Variants in SEC23A observed in about 807,000 individuals in gnomAD.
SEC23A encodes SEC23 homolog A, COPII component.
Under a neutral mutation model 103.7 loss-of-function variants are expected in SEC23A, and 56 were observed. The observed-to-expected ratio is 0.54, with a 90% confidence interval of 0.44 to 0.67. The LOEUF (loss-of-function observed/expected upper bound fraction) is 0.67, where lower values mean the gene tolerates loss of function less well. Among genes scored for constraint, SEC23A ranks in the 30% least tolerant of loss-of-function variants. SEC23A has a pLI of 0.00. For synonymous variants in SEC23A, 281 were observed against 293.0 expected, an observed-to-expected ratio of 0.96 and a Z score of 0.42; for missense variants, 784 against 936.4, an observed-to-expected ratio of 0.84 and a Z score of 2.12.
intron 9 of SEC23A, among the ~76,000 whole-genome samples, chr14:39,069,387 T>C (rs913327561): frequency 1.3e-5 from 2 of 152,186 alleles, no homozygotes; most frequent in Admixed American, 6.5e-5. Flanking sequence ...CTTTGTAACC[T>C]ACCCTCCTCA....
At chr14:39,088,230 T>C (rs184886393) in intron 5 of SEC23A, 1 of 152,014 alleles carries the variant, frequency 6.6e-6, no homozygotes, top group Non-Finnish European at 1.5e-5. Flanking sequence ...TTAATCTAAA[T>C]AGGGAAAGAA....
intron 11 of SEC23A, among the ~76,000 whole-genome samples, chr14:39,063,650 A>C (rs1886553541): frequency 6.6e-6 from 1 of 152,194 alleles, no homozygotes; most frequent in African/African-American, 2.4e-5. Flanking sequence ...AATTCTTGCT[A>C]AGTAAATTAC....
At chr14:39,062,435 T>C (rs147441754) in intron 12 of SEC23A, among the ~76,000 whole-genome samples, 1 of 152,226 alleles carries the variant, frequency 6.6e-6, no homozygotes, top group East Asian at 1.9e-4. Context: ...GATGTTCAAC[T>C]TGTAACTAGA....
At chr14:39,093,391 T>C (rs1252030136) in intron 2 of SEC23A, 147 bp from the exon 3 acceptor site, 8 of 622,714 alleles carry the variant, frequency 1.3e-5, no homozygotes, top group Non-Finnish European at 2.2e-5. Context: ...CATGTAGTTT[T>C]AGATACTGCC....
intron 14 of SEC23A, among the ~76,000 whole-genome samples, chr14:39,053,276 G>T (rs1379837290): frequency 2.0e-5 from 3 of 152,202 alleles, no homozygotes; most frequent in Non-Finnish European, 4.4e-5. Flanking sequence ...ATTCTCTACA[G>T]ATTGACGAGT....
chr14:39,060,618 TA>T (rs1273391216), intron 13 of SEC23A, among the ~76,000 whole-genome samples: 2 of 152,222 alleles, frequency 1.3e-5, no homozygotes, highest in Non-Finnish European at 2.9e-5. Context: ...TCTTCCTAAC[TA>T]AACTCATTCC....
At chr14:39,050,130 A>G (rs114772749) in intron 14 of SEC23A, among the ~76,000 whole-genome samples, 1,721 of 152,286 alleles carry the variant, frequency 0.011, 42 homozygotes, top group African/African-American at 0.04. Flanking sequence ...CACGAGGAGC[A>G]GTCCTTATTT....
chr14:39,034,078 A>C (rs577544151), intron 19 of SEC23A, among the ~76,000 whole-genome samples: 1 of 152,352 alleles, frequency 6.6e-6, no homozygotes, highest in East Asian at 1.9e-4. Flanking sequence ...CATAGCCACA[A>C]ACATGCCATA....
At chr14:39,091,888 G>T (rs1013325969) in intron 4 of SEC23A, among the ~76,000 whole-genome samples, 175 bp from the exon 5 acceptor site, 4 of 152,192 alleles carry the variant, frequency 2.6e-5, no homozygotes, top group Non-Finnish European at 5.9e-5. Flanking sequence ...ATCATCAGGT[G>T]AAAAATTAAG....
intron 12 of SEC23A, among the ~76,000 whole-genome samples, chr14:39,062,311 C>T (rs1381291506): frequency 6.6e-6 from 1 of 152,014 alleles, no homozygotes; most frequent in Non-Finnish European, 1.5e-5. Flanking sequence ...AATTGAAGAT[C>T]CCCAAATCCA....
At chr14:39,092,487 T>C in intron 4 of SEC23A, 54 bp downstream of exon 4, 2 of 987,912 alleles carry the variant, frequency 2.0e-6, no homozygotes, top group Non-Finnish European at 3.1e-6. Flanking sequence ...AATTTAACAA[T>C]TCTTTCAGTA....
intron 11 of SEC23A, 150 bp downstream of exon 11, chr14:39,064,763 G>T: frequency 1.5e-6 from 1 of 689,232 alleles, no homozygotes; most frequent in East Asian, 2.6e-5. Flanking sequence ...ATAACAGGAG[G>T]GGAACAGGGT....
intron 15 of SEC23A, among the ~76,000 whole-genome samples, chr14:39,047,910 TC>T (rs776099341): frequency 4.5e-4 from 69 of 152,304 alleles, no homozygotes; most frequent in Non-Finnish European, 6.5e-4. Flanking sequence ...TGGAAAATAT[TC>T]TGTAAGGTAA....
Position 39,095,730 on chromosome 14 carries a change from C to A in SEC23A, c.221+168G>T, listed in dbSNP as rs369614996. On this transcript the variant is annotated intron_variant, in intron 2 of 19. Coordinates refer to ENST00000307712, the MANE Select transcript of SEC23A (RefSeq NM_006364.4). The stretch of plus-strand genomic sequence containing the variant: ...GTCTCTTTATATTACCAACTCAGTA[C>A]AACTAGAATGATCCTAAAATTTTAC... Among the ~76,000 whole-genome samples, 13 of 152,232 alleles carry A rather than the reference C, an allele frequency of 8.5e-5. No individual in the cohort carries two copies. The East Asian group carries it at 2.1e-3, about 25-fold the overall frequency.
chr14:39,047,509 A>C, intron 15 of SEC23A: 7 of 660,736 alleles, frequency 1.1e-5, no homozygotes, highest in South Asian at 1.8e-5. Flanking sequence ...AACAACAACA[A>C]CAAAAAAAAA....
At position 39,055,289 on chromosome 14, in the gene SEC23A, C is replaced by A. The variant is rs765907917; in HGVS notation, c.1513G>T (p.Asp505Tyr). The A allele has an allele frequency of 1.9e-6, 3 of 1,613,974 alleles. No homozygotes were observed. The African/African-American group carries it at 4.0e-5, about 22-fold the overall frequency. The stretch of plus-strand genomic sequence containing the variant: ...ATGTTTTGGATTTGAGTTTGAGCAT[C>A]TGCCCAGCTGAAGACAATAAGAAAG... ...RVTTIARNWADAQTQIQNIAA... is the reference protein window; with the variant it reads ...RVTTIARNWAYAQTQIQNIAA... Residue 505 changes from aspartate to tyrosine, a missense_variant, in exon 14 of 20, where the codon GAT becomes TAT. Transcript: ENST00000307712.
intron 15 of SEC23A, among the ~76,000 whole-genome samples, chr14:39,045,564 G>GT (rs1885801840): frequency 6.6e-6 from 1 of 151,960 alleles, no homozygotes; most frequent in Non-Finnish European, 1.5e-5. Flanking sequence ...TTAAGTTAAA[G>GT]TAAGAAAAGG....
At chr14:39,084,415 T>C (rs1887353949) in intron 7 of SEC23A, among the ~76,000 whole-genome samples, 1 of 152,188 alleles carries the variant, frequency 6.6e-6, no homozygotes, top group Admixed American at 6.5e-5. Flanking sequence ...TGTTAACATC[T>C]GGGTGAACTT....
In SEC23A at chr14:39,094,369, TATATACACACAC is replaced by T. The variant is rs1233718167; in HGVS notation, c.222-1137_222-1126del. 5.9e-3 allele frequency among the ~76,000 whole-genome samples: 105 copies of T among 17,686 alleles called. 12 individuals carry two copies. The highest frequency in any genetic ancestry group is 0.02 in the African/African-American group (98 of 5,002). The allele number at this position is 17,686 out of a possible 152,430, so 11.6% of individuals were successfully genotyped here. A position where few individuals can be genotyped will look rare whatever the true frequency, so the allele number is the denominator to read the frequency against. On this transcript the variant is annotated intron_variant, in intron 2 of 19. Transcript: ENST00000307712. The stretch of plus-strand genomic sequence containing the variant: ...ATGCATATATACACATATACATATA[TATATACACACAC>T]ACACACACACACACACATATATATA...
Sources: gnomAD v4.1 joint callset for allele counts (sites outside exome capture counted in the v4.1 genomes callset) on GRCh38, gnomAD v4.1.1 for gene constraint, MANE v1.5 for transcripts, NCBI Gene and HGNC (gene_info 2026-07-23, HGNC 2026-07-21) for gene names.